Variants in SKAP2 observed in about 807,000 individuals in gnomAD.
The protein encoded by SKAP2 is src kinase-associated phosphoprotein 2.
In SKAP2, 28 loss-of-function variants were observed where a neutral mutation model predicts 54.9. The observed-to-expected ratio is 0.51, with a 90% CI of 0.38 to 0.70. The LOEUF (loss-of-function observed/expected upper bound fraction) is 0.70. Ranked by LOEUF, SKAP2 falls within the 30% of genes least tolerant of loss-of-function variation. SKAP2 has a pLI of 0.00. For missense variants in SKAP2, 356 were observed against 424.1 expected (o/e 0.84, Z 1.41); for synonymous variants, 137 against 134.3 (o/e 1.02, Z -0.14).
At chr7:26,732,870 T>G (rs1263136967) in intron 6 of SKAP2, among the ~76,000 whole-genome samples, 1 of 152,188 alleles carries the variant, frequency 6.6e-6, no homozygotes, top group Admixed American at 6.5e-5. Flanking sequence ...TTAGTAAAAC[T>G]TGGTTTGTAC....
At chr7:26,716,567 T>C (rs1017375766) in intron 9 of SKAP2, among the ~76,000 whole-genome samples, 1 of 152,246 alleles carries the variant, frequency 6.6e-6, no homozygotes, top group Non-Finnish European at 1.5e-5. Flanking sequence ...TTTATTTTAA[T>C]AGACTAAGTT....
chr7:26,856,921 C>A (rs1449906282), intron 1 of SKAP2, among the ~76,000 whole-genome samples: 2 of 151,416 alleles, frequency 1.3e-5, no homozygotes. Context: ...CAATGAATTG[C>A]CCCCAAGAGT....
chr7:26,811,972 C>T (rs1784155699), intron 4 of SKAP2, among the ~76,000 whole-genome samples: 1 of 152,138 alleles, frequency 6.6e-6, no homozygotes, highest in Non-Finnish European at 1.5e-5. Flanking sequence ...AAGTCACATC[C>T]TAACTTTGGG....
intron 4 of SKAP2, among the ~76,000 whole-genome samples, chr7:26,775,530 CGT>C (rs59902431): frequency 0.069 from 10,114 of 146,156 alleles, 531 homozygotes; most frequent in East Asian, 0.28. Flanking sequence ...TTTACTTGTA[CGT>C]GTGTGTGTGT....
At chr7:26,755,632 G>A (rs1782774955) in intron 4 of SKAP2, among the ~76,000 whole-genome samples, 1 of 152,138 alleles carries the variant, frequency 6.6e-6, no homozygotes, top group Non-Finnish European at 1.5e-5. Context: ...CAACAGCCCA[G>A]AGACCATAAC....
At chr7:26,709,494 G>T (rs55734102) in intron 9 of SKAP2, among the ~76,000 whole-genome samples, 7 of 152,244 alleles carry the variant, frequency 4.6e-5, no homozygotes, top group African/African-American at 1.4e-4. Flanking sequence ...TCTGCCCACT[G>T]AATCAAAGTA....
At chr7:26,790,460 G>A (rs143195910) in intron 4 of SKAP2, among the ~76,000 whole-genome samples, 265 of 152,256 alleles carry the variant, frequency 1.7e-3, no homozygotes, top group African/African-American at 5.9e-3. Context: ...ATTGGTACAG[G>A]TAACTGTGAG....
chr7:26,776,985 G>T (rs1783325270), intron 4 of SKAP2, among the ~76,000 whole-genome samples: 1 of 152,124 alleles, frequency 6.6e-6, no homozygotes, highest in Non-Finnish European at 1.5e-5. Flanking sequence ...TCACAAACCA[G>T]TGATTCAGGT....
At chr7:26,812,876 T>C (rs895892915) in intron 4 of SKAP2, among the ~76,000 whole-genome samples, 18 of 152,048 alleles carry the variant, frequency 1.2e-4, no homozygotes, top group Non-Finnish European at 2.2e-4. Context: ...CCGGTCCTGG[T>C]TTCCCAGGAT....
intron 9 of SKAP2, among the ~76,000 whole-genome samples, chr7:26,697,298 C>CAGGCAATT (rs1438946766): frequency 1.3e-5 from 2 of 152,156 alleles, no homozygotes; most frequent in Non-Finnish European, 2.9e-5. Flanking sequence ...CGATCACCTA[C>CAGGCAATT]AGGCAATTAG....
intron 9 of SKAP2, among the ~76,000 whole-genome samples, chr7:26,712,388 T>C (rs1484089345): frequency 6.6e-6 from 1 of 152,178 alleles, no homozygotes; most frequent in Non-Finnish European, 1.5e-5. Context: ...GGAGAGAACA[T>C]TTATGAAGAT....
At chr7:26,735,925 C>A (rs1244847973) in intron 6 of SKAP2, among the ~76,000 whole-genome samples, 1 of 151,890 alleles carries the variant, frequency 6.6e-6, no homozygotes, top group African/African-American at 2.4e-5. Context: ...CGAATGAAAC[C>A]GCCAATAGAA....
intron 4 of SKAP2, among the ~76,000 whole-genome samples, chr7:26,814,038 A>G (rs1397797085): frequency 2.0e-5 from 3 of 152,166 alleles, no homozygotes; most frequent in Non-Finnish European, 4.4e-5. Flanking sequence ...TTAGCTTCAT[A>G]TGAAGCTACA....
At chr7:26,769,038 T>C (rs1421764703) in intron 4 of SKAP2, among the ~76,000 whole-genome samples, 2 of 152,314 alleles carry the variant, frequency 1.3e-5, no homozygotes, top group East Asian at 1.9e-4. Flanking sequence ...CTGGATAATA[T>C]CCTGAAGAGT....
intron 4 of SKAP2, among the ~76,000 whole-genome samples, chr7:26,795,933 A>G (rs1018509733): frequency 7.9e-5 from 12 of 152,264 alleles, no homozygotes; most frequent in South Asian, 2.1e-4. Flanking sequence ...TTATCCATGG[A>G]TTTTTTCAAC....
chr7:26,814,009 C>A (rs1043827342), intron 4 of SKAP2, among the ~76,000 whole-genome samples: 7 of 152,086 alleles, frequency 4.6e-5, no homozygotes, highest in African/African-American at 1.7e-4. Flanking sequence ...TTTGAGACAA[C>A]AGATTTAGCT....
At chr7:26,788,067 CAA>C (rs1247923244) in intron 4 of SKAP2, among the ~76,000 whole-genome samples, 1 of 152,138 alleles carries the variant, frequency 6.6e-6, no homozygotes, top group Non-Finnish European at 1.5e-5. Flanking sequence ...CCACAACCCA[CAA>C]ATTTGTTATT....
the SKAP2 span, among the ~76,000 whole-genome samples, chr7:26,658,094 ATCT>A: frequency 6.6e-6 from 1 of 152,208 alleles, no homozygotes; most frequent in Non-Finnish European, 1.5e-5. Flanking sequence ...CAAAGACCTC[ATCT>A]TCTCTTTGCC....
intron 4 of SKAP2, among the ~76,000 whole-genome samples, chr7:26,787,690 G>C (rs1014587720): frequency 6.6e-6 from 1 of 151,974 alleles, no homozygotes; most frequent in African/African-American, 2.4e-5. Flanking sequence ...GGCAGAGCAG[G>C]AGCAAGAGGG....
Sources: gnomAD v4.1 joint callset for allele counts (sites outside exome capture counted in the v4.1 genomes callset) on GRCh38, gnomAD v4.1.1 for gene constraint, MANE v1.5 for transcripts, NCBI Gene and HGNC (gene_info 2026-07-23, HGNC 2026-07-21) for gene names.